Variants in TAFA1 observed in about 807,000 individuals in gnomAD.
TAFA1 encodes chemokine-like protein TAFA-1.
Under a neutral mutation model 18.5 loss-of-function variants are expected in TAFA1, and 4 were observed. The observed-to-expected ratio is 0.22, with a 90% CI of 0.11 to 0.49. The LOEUF (loss-of-function observed/expected upper bound fraction) is 0.49, where lower values mean the gene tolerates loss of function less well. Ranked by LOEUF, TAFA1 falls within the 20% of genes least tolerant of loss-of-function variation. The pLI, the probability that TAFA1 is intolerant of heterozygous loss-of-function variation, is 0.98. For synonymous variants in TAFA1, 56 were observed against 55.2 expected, an observed-to-expected ratio of 1.01 and a Z score of -0.06; for missense variants, 147 against 169.0, an observed-to-expected ratio of 0.87 and a Z score of 0.72.
At chr3:68,145,751 T>C in intron 2 of TAFA1, 1 of 606,902 alleles carries the variant, frequency 1.6e-6, no homozygotes, top group South Asian at 1.9e-5. Flanking sequence ...TTCCTTACTA[T>C]GTGATAAAAT....
At chr3:68,127,375 A>G (rs1216642402) in intron 2 of TAFA1, among the ~76,000 whole-genome samples, 1 of 152,196 alleles carries the variant, frequency 6.6e-6, no homozygotes, top group Non-Finnish European at 1.5e-5. Context: ...TAATGACTCA[A>G]CCTTGCTGCC....
intron 2 of TAFA1, among the ~76,000 whole-genome samples, chr3:68,090,353 A>G (rs1575611195): frequency 6.6e-6 from 1 of 152,288 alleles, no homozygotes; most frequent in Admixed American, 6.5e-5. Flanking sequence ...CATCCTGTAA[A>G]ATTGTAGTAT....
chr3:68,033,938 C>T (rs1426774578), intron 2 of TAFA1, among the ~76,000 whole-genome samples: 1 of 152,134 alleles, frequency 6.6e-6, no homozygotes, highest in Non-Finnish European at 1.5e-5. Context: ...GAAATATGGA[C>T]AGGTTACAGG....
chr3:68,019,747 C>G (rs1006726749), intron 2 of TAFA1, among the ~76,000 whole-genome samples: 1 of 151,998 alleles, frequency 6.6e-6, no homozygotes, highest in African/African-American at 2.4e-5. Flanking sequence ...CTTTCCAATT[C>G]TTGTCATCAT....
At chr3:68,129,915 T>C (rs1329163639) in intron 2 of TAFA1, among the ~76,000 whole-genome samples, 1 of 152,184 alleles carries the variant, frequency 6.6e-6, no homozygotes, top group African/African-American at 2.4e-5. Flanking sequence ...CTCTCATACA[T>C]GTTAGCTCAT....
chr3:68,111,949 A>G (rs2065267463), intron 2 of TAFA1, among the ~76,000 whole-genome samples: 1 of 152,194 alleles, frequency 6.6e-6, no homozygotes, highest in Admixed American at 6.5e-5. Context: ...CACTAAAAGA[A>G]TAGGAAAAGA....
In TAFA1 at chr3:68,537,709, C is replaced by T. The variant is rs150655066; in HGVS notation, c.260-1047C>T. On this transcript the variant is annotated intron_variant, in intron 3 of 4. Transcript: ENST00000478136. ...TCTGTTTGCTGACTCTCTGAACAGC[C>T]GTCTCACACTATGTCAAAGAAGCAT... Among the ~76,000 whole-genome samples, 321 of 152,220 alleles carry T rather than the reference C, an allele frequency of 2.1e-3. 1 individual carries two copies. The highest frequency in any genetic ancestry group is 7.2e-3 in the African/African-American group (298 of 41,552).
At chr3:68,229,755 C>A (rs2066847406) in intron 2 of TAFA1, among the ~76,000 whole-genome samples, 1 of 152,136 alleles carries the variant, frequency 6.6e-6, no homozygotes, top group African/African-American at 2.4e-5. Context: ...GTTGTCAATT[C>A]TTTGATGTCA....
At chr3:68,349,346 C>G (rs1027391149) in intron 2 of TAFA1, among the ~76,000 whole-genome samples, 1 of 151,808 alleles carries the variant, frequency 6.6e-6, no homozygotes, top group Non-Finnish European at 1.5e-5. Flanking sequence ...CACATAAGTC[C>G]CCATTTTTCT....
At chr3:68,537,171 G>A (rs13077992) in intron 3 of TAFA1, among the ~76,000 whole-genome samples, 34,659 of 151,988 alleles carry the variant, frequency 0.23, 4,323 homozygotes, top group Admixed American at 0.28. Context: ...CTAAGAGCAC[G>A]AAAGTTCCTG....
At chr3:68,122,913 T>C (rs2065418362) in intron 2 of TAFA1, among the ~76,000 whole-genome samples, 2 of 151,712 alleles carry the variant, frequency 1.3e-5, no homozygotes, top group South Asian at 2.1e-4. Flanking sequence ...AATATGTATA[T>C]GTTTTACACA....
intron 3 of TAFA1, among the ~76,000 whole-genome samples, chr3:68,443,437 C>T (rs1450786155): frequency 7.1e-6 from 1 of 140,866 alleles, no homozygotes; most frequent in African/African-American, 2.7e-5. Context: ...TGTTTTCACG[C>T]TGCTGATAAA....
At chr3:68,439,601 G>A (rs1403225252) in intron 3 of TAFA1, among the ~76,000 whole-genome samples, 1 of 151,462 alleles carries the variant, frequency 6.6e-6, no homozygotes, top group Non-Finnish European at 1.5e-5. Context: ...GAAAGATGTA[G>A]GCTGGAAGGC....
At chr3:68,303,938 A>C (rs1057483809) in intron 2 of TAFA1, among the ~76,000 whole-genome samples, 1 of 152,220 alleles carries the variant, frequency 6.6e-6, no homozygotes, top group Non-Finnish European at 1.5e-5. Context: ...ACTCACTAGA[A>C]TTTCAAATAT....
chr3:68,100,250 T>C lies in TAFA1; in HGVS notation c.118+93506T>C, dbSNP rs115727331. 6.7e-3 allele frequency among the ~76,000 whole-genome samples: 1,024 copies of C among 152,258 alleles called. 10 individuals are homozygous for C. Among genetic ancestry groups the C allele is most frequent in the African/African-American group, 0.024 (983 of 41,558 alleles). On this transcript the variant is annotated intron_variant, in intron 2 of 4. Transcript: ENST00000478136. The stretch of plus-strand genomic sequence containing the variant: ...CTGTAATCCCAGCACTTAGGGAGGC[T>C]GAGGCATGCAGATCATTTGAGGTTA...
intron 2 of TAFA1, among the ~76,000 whole-genome samples, chr3:68,012,539 C>T (rs1704492574): frequency 6.6e-6 from 1 of 152,142 alleles, no homozygotes; most frequent in Non-Finnish European, 1.5e-5. Flanking sequence ...CATATTTGCA[C>T]ATACATAAAA....
chr3:68,531,167 A>G (rs1254791264), intron 3 of TAFA1, among the ~76,000 whole-genome samples: 1 of 152,186 alleles, frequency 6.6e-6, no homozygotes, highest in Non-Finnish European at 1.5e-5. Context: ...CATCACTTTT[A>G]AAATGGGTTA....
upstream of TAFA1, among the ~76,000 whole-genome samples, chr3:67,999,289 G>C (rs2361366): frequency 0.036 from 5,167 of 143,382 alleles, 142 homozygotes; most frequent in Admixed American, 0.058. Flanking sequence ...CCCTCTCTCT[G>C]TGTGTGTGTG....
At chr3:68,436,957 C>T (rs2071277275) in intron 3 of TAFA1, among the ~76,000 whole-genome samples, 1 of 152,106 alleles carries the variant, frequency 6.6e-6, no homozygotes, top group Non-Finnish European at 1.5e-5. Flanking sequence ...TGTTCTTTCT[C>T]TTTTTATTTA....
Sources: gnomAD v4.1 joint callset for allele counts (sites outside exome capture counted in the v4.1 genomes callset) on GRCh38, gnomAD v4.1.1 for gene constraint, MANE v1.5 for transcripts, NCBI Gene and HGNC (gene_info 2026-07-23, HGNC 2026-07-21) for gene names.